Variants in GATB observed in about 807,000 individuals in gnomAD.
The protein encoded by GATB is glutamyl-tRNA(Gln) amidotransferase subunit B, mitochondrial.
GATB carries 39 observed loss-of-function variants against 62.3 expected under a neutral mutation model. The observed-to-expected ratio is 0.63, with a 90% CI of 0.48 to 0.82. GATB has a LOEUF of 0.82. Among genes scored for constraint, GATB ranks in the 40% least tolerant of loss-of-function variants. The pLI is 0.00. For missense variants in GATB, 670 were observed against 684.0 expected, an observed-to-expected ratio of 0.98 and a Z score of 0.23; for synonymous variants, 276 against 258.9, an observed-to-expected ratio of 1.07 and a Z score of -0.63.
chr4:151,701,332 C>G lies in GATB; in HGVS notation c.1194G>C (p.Leu398Phe), dbSNP rs758845824. Residue 398 changes from leucine (L) to phenylalanine (F), a missense_variant, in exon 9 of 13, where the codon TTG (leucine) becomes TTC (phenylalanine). Physicochemically the swap from Leu to Phe is conservative, Grantham distance 22. Coordinates refer to ENST00000263985, the MANE Select transcript of GATB (RefSeq NM_004564.3). ...YGMLLEHSFT[L>F]LNEVGLLEFF... is the part of the protein sequence containing the mutation. Reference sequence around the variant, plus strand: ...TTGGCATCCGATCGATACCTACCAGCAAAGTGAAGCTGTGTTCCAGCAGCA... The same window carrying G: ...TTGGCATCCGATCGATACCTACCAGGAAAGTGAAGCTGTGTTCCAGCAGCA... 6.5e-6 allele frequency: 10 copies of G among 1,542,164 alleles called. No individual in the cohort carries two copies. The South Asian group carries it at 1.3e-4, about 20-fold the overall frequency.
Position 151,719,438 on chromosome 4 carries a change from T to A in GATB, c.428A>T (p.Tyr143Phe). 1.9e-6 allele frequency: 3 copies of A among 1,611,220 alleles called. No individual in the cohort carries two copies. The highest frequency in any genetic ancestry group is 2.5e-6 in the Non-Finnish European group (3 of 1,178,146). Residue 143 changes from tyrosine (Y) to phenylalanine (F), a missense_variant, in exon 3 of 13, where the codon TAT (tyrosine) becomes TTT (phenylalanine). By Grantham distance (22) the Tyr-to-Phe change is conservative. Coordinates refer to ENST00000263985, the MANE Select transcript of GATB (RefSeq NM_004564.3). ...AAGTGTACTTACAGGGAGGTCTGCA[T>A]AGAAGTAGTGCTTCCTGTCAAACAA... ...KSLFDRKHYF[Y>F]ADLPAGYQIT... is the part of the protein sequence containing the mutation.
At chr4:151,718,857 C>T (rs944841290) in intron 3 of GATB, among the ~76,000 whole-genome samples, 7 of 152,164 alleles carry the variant, frequency 4.6e-5, no homozygotes, top group South Asian at 2.1e-4. Context: ...CAGAAAAAAG[C>T]GGGTCAATAT....
intron 6 of GATB, 92 bp from the exon 7 acceptor site, chr4:151,705,361 G>T: frequency 1.7e-5 from 11 of 649,612 alleles, no homozygotes; most frequent in South Asian, 2.0e-5. Context: ...CAATCTCTAA[G>T]TTAAAAAAAA....
intron 2 of GATB, among the ~76,000 whole-genome samples, chr4:151,725,371 T>C (rs1180134186): frequency 6.6e-6 from 1 of 152,248 alleles, no homozygotes; most frequent in Non-Finnish European, 1.5e-5. Flanking sequence ...AGCACAGAGC[T>C]GAGAACACAC....
intron 2 of GATB, among the ~76,000 whole-genome samples, chr4:151,733,921 G>A (rs1404583892): frequency 1.3e-5 from 2 of 152,088 alleles, no homozygotes; most frequent in Non-Finnish European, 2.9e-5. Context: ...TAAATCCTCA[G>A]CAAAACTGGC....
intron 9 of GATB, among the ~76,000 whole-genome samples, chr4:151,693,060 A>C (rs1187446237): frequency 6.6e-6 from 1 of 152,192 alleles, no homozygotes; most frequent in Non-Finnish European, 1.5e-5. Flanking sequence ...ATTTGTGCAG[A>C]CGCTGGAGGA....
At chr4:151,672,675 C>A in intron 12 of GATB, 87 bp downstream of exon 12, 2 of 1,432,662 alleles carry the variant, frequency 1.4e-6, no homozygotes, top group Non-Finnish European at 1.9e-6. Flanking sequence ...TAGGAAGAGC[C>A]TCTGGGCTGC....
At chr4:151,686,652 G>GCCCCCCC (rs374250502) in intron 10 of GATB, among the ~76,000 whole-genome samples, 57 of 70,960 alleles carry the variant, frequency 8.0e-4, no homozygotes, top group South Asian at 2.7e-3. Flanking sequence ...TCCCCGCCCC[G>GCCCCCCC]CCCCCCCCCC....
chr4:151,760,232 G>A (rs1353365683), intron 1 of GATB, among the ~76,000 whole-genome samples: 1 of 152,100 alleles, frequency 6.6e-6, no homozygotes, highest in East Asian at 1.9e-4. Context: ...AGCTGTTCAG[G>A]GGATATCTGG....
chr4:151,684,370 T>C (rs1738202446), intron 10 of GATB, among the ~76,000 whole-genome samples: 2 of 152,354 alleles, frequency 1.3e-5, no homozygotes, highest in South Asian at 2.1e-4. Context: ...AACCAACCTT[T>C]CAAGCAATAT....
intron 2 of GATB, among the ~76,000 whole-genome samples, chr4:151,754,882 A>G (rs569527198): frequency 6.6e-6 from 1 of 152,334 alleles, no homozygotes; most frequent in African/African-American, 2.4e-5. Flanking sequence ...TTGTTGGCAG[A>G]TCACTTAACT....
rs1739906593 is a variant in GATB at position 151,759,544 on chromosome 4, C to T, written c.177-622G>A. ...CTCCACCACACTAAACCATCTGATG[C>T]GGCATATTTTTGGTCCCCCAAATCA... On this transcript the variant is annotated intron_variant, in intron 1 of 12. Transcript: ENST00000263985. 3.3e-5 allele frequency among the ~76,000 whole-genome samples: 5 copies of T among 152,290 alleles called. No homozygotes were observed. The South Asian group carries it at 6.2e-4, about 19-fold the overall frequency.
intron 2 of GATB, among the ~76,000 whole-genome samples, chr4:151,754,539 TG>T (rs1348866192): frequency 6.6e-6 from 1 of 152,228 alleles, no homozygotes; most frequent in Non-Finnish European, 1.5e-5. Context: ...TAGCATAACG[TG>T]GGCATCCAAT....
At chr4:151,689,192 G>GAAAAGAGGGTAAAAAACAAAGCAA in intron 9 of GATB, among the ~76,000 whole-genome samples, 1 of 152,140 alleles carries the variant, frequency 6.6e-6, no homozygotes, top group African/African-American at 2.4e-5. Flanking sequence ...GTAATTGCTA[G>GAAAAGAGGGTAAAAAACAAAGCAA]AAAAGAGGGT....
intron 2 of GATB, among the ~76,000 whole-genome samples, chr4:151,726,936 A>G (rs1739148603): frequency 6.6e-6 from 1 of 151,986 alleles, no homozygotes; most frequent in South Asian, 2.1e-4. Flanking sequence ...CTTCTTTTTG[A>G]GACAAGGTCT....
At chr4:151,708,381 T>G (rs925727359) in intron 5 of GATB, among the ~76,000 whole-genome samples, 1 of 152,192 alleles carries the variant, frequency 6.6e-6, no homozygotes, top group Non-Finnish European at 1.5e-5. Context: ...AAGTTTTAGA[T>G]TCGCCAGCTG....
chr4:151,718,858 G>A (rs1239704886), intron 3 of GATB, among the ~76,000 whole-genome samples: 7 of 152,194 alleles, frequency 4.6e-5, no homozygotes, highest in Non-Finnish European at 7.4e-5. Flanking sequence ...AGAAAAAAGC[G>A]GGTCAATATG....
intron 3 of GATB, chr4:151,717,318 A>G (rs1738934498): frequency 3.9e-6 from 2 of 516,264 alleles, no homozygotes; most frequent in Non-Finnish European, 7.0e-6. Flanking sequence ...ACGATGCAAT[A>G]AACAACACGA....
Position 151,673,252 on chromosome 4 carries a change from TGGC to T in GATB, c.1411-359_1411-357del, listed in dbSNP as rs760474557. 4.7e-5 allele frequency: 7 copies of T among 148,332 alleles called. No individual in the cohort carries two copies. In the East Asian group the frequency reaches 5.4e-4, roughly 11 times the overall value. The allele number at this position is 148,332 out of a possible 1,614,324, so 9.2% of individuals were successfully genotyped here. A position where few individuals can be genotyped will look rare whatever the true frequency, so the allele number is the denominator to read the frequency against. On this transcript the variant is annotated intron_variant, in intron 11 of 12. Transcript: ENST00000263985. Reference sequence around the variant, plus strand: ...TGAGTCCTGCCCGGCTGACTCCACATGGCGGGGGGGGGCCGCGGGAGGCGTGGA... The same window carrying T: ...TGAGTCCTGCCCGGCTGACTCCACATGGGGGGGGGCCGCGGGAGGCGTGGA...
Sources: allele counts gnomAD v4.1 joint callset (sites outside exome capture counted in the v4.1 genomes callset), GRCh38; gene constraint gnomAD v4.1.1; transcripts MANE v1.5; gene names NCBI Gene and HGNC (gene_info 2026-07-23, HGNC 2026-07-21).